Variants in PRKCB observed in about 807,000 individuals in gnomAD.
PRKCB encodes protein kinase C beta.
In PRKCB, 13 loss-of-function variants were observed where a neutral mutation model predicts 81.5. That is an observed-to-expected ratio of 0.16 (90% CI 0.10 to 0.25). PRKCB has a LOEUF of 0.25. PRKCB is among the 10% of genes least tolerant of loss of function. PRKCB has a pLI of 1.00. For synonymous variants in PRKCB, 335 were observed against 321.4 expected, an observed-to-expected ratio of 1.04 and a Z score of -0.45; for missense variants, 509 against 875.7, an observed-to-expected ratio of 0.58 and a Z score of 5.29.
At chr16:24,069,355 G>C (rs925783157) in intron 5 of PRKCB, among the ~76,000 whole-genome samples, 1 of 152,198 alleles carries the variant, frequency 6.6e-6, no homozygotes, top group East Asian at 1.9e-4. Context: ...TCAGCTGCTG[G>C]ATTCCTGCCT....
At chr16:24,030,434 T>C (rs1447314987) in intron 3 of PRKCB, among the ~76,000 whole-genome samples, 1 of 152,094 alleles carries the variant, frequency 6.6e-6, no homozygotes, top group Non-Finnish European at 1.5e-5. Context: ...GGCCAAATAG[T>C]AATAGCAATC....
At chr16:24,079,282 A>G (rs914753383) in intron 5 of PRKCB, among the ~76,000 whole-genome samples, 5 of 152,088 alleles carry the variant, frequency 3.3e-5, no homozygotes, top group Non-Finnish European at 5.9e-5. Context: ...GCTCCCACAA[A>G]GCCTGTTTGG....
chr16:24,032,338 A>T, intron 4 of PRKCB, 91 bp downstream of exon 4: 1 of 846,926 alleles, frequency 1.2e-6, no homozygotes, highest in East Asian at 2.7e-5. Context: ...GGTCTGCCAT[A>T]CATTCCCCCC....
intron 2 of PRKCB, among the ~76,000 whole-genome samples, chr16:23,894,833 G>A (rs1480698210): frequency 1.3e-5 from 2 of 152,172 alleles, no homozygotes; most frequent in East Asian, 3.9e-4. Flanking sequence ...TAGGACCTTT[G>A]AGTCTATATT....
At chr16:23,957,418 C>G (rs1167541421) in intron 2 of PRKCB, among the ~76,000 whole-genome samples, 1 of 152,144 alleles carries the variant, frequency 6.6e-6, no homozygotes, top group Non-Finnish European at 1.5e-5. Flanking sequence ...TTTTCTGCCT[C>G]TTTATTTTTT....
intron 16 of PRKCB, among the ~76,000 whole-genome samples, chr16:24,196,773 G>T (rs1246357455): frequency 6.6e-6 from 1 of 152,200 alleles, no homozygotes; most frequent in Non-Finnish European, 1.5e-5. Context: ...GTGCTGCAGG[G>T]TGCAGCAGGC....
At chr16:24,125,553 C>T (rs1025558351) in intron 9 of PRKCB, among the ~76,000 whole-genome samples, 4 of 152,192 alleles carry the variant, frequency 2.6e-5, no homozygotes, top group African/African-American at 9.7e-5. Flanking sequence ...GAAAAGTTGC[C>T]GCTCATTCAC....
intron 2 of PRKCB, among the ~76,000 whole-genome samples, chr16:23,985,286 G>A (rs932819514): frequency 2.6e-5 from 4 of 152,054 alleles, no homozygotes; most frequent in Non-Finnish European, 4.4e-5. Context: ...TAATAGAGAC[G>A]GGGTTTCACC....
At chr16:24,032,074 A>G in intron 3 of PRKCB, 62 bp from the exon 4 acceptor site, 1 of 1,208,964 alleles carries the variant, frequency 8.3e-7, no homozygotes, top group Non-Finnish European at 1.2e-6. Context: ...CTCTCGATGT[A>G]GGATGAACCG....
chr16:23,894,845 A>G (rs1183630199), intron 2 of PRKCB, among the ~76,000 whole-genome samples: 1 of 152,108 alleles, frequency 6.6e-6, no homozygotes, highest in Non-Finnish European at 1.5e-5. Context: ...GTCTATATTC[A>G]TTAGTGAAAT....
intron 3 of PRKCB, among the ~76,000 whole-genome samples, chr16:24,001,272 A>G (rs1305795948): frequency 6.6e-6 from 1 of 152,230 alleles, no homozygotes; most frequent in Admixed American, 6.5e-5. Flanking sequence ...TTATGGCTTT[A>G]GAAATAATTT....
At chr16:24,131,648 T>A (rs1966853544) in intron 9 of PRKCB, among the ~76,000 whole-genome samples, 1 of 152,246 alleles carries the variant, frequency 6.6e-6, no homozygotes, top group Non-Finnish European at 1.5e-5. Context: ...TTCTTCTTCT[T>A]AACATTGCCC....
At chr16:24,161,793 A>T (rs1967260437) in intron 10 of PRKCB, among the ~76,000 whole-genome samples, 1 of 152,196 alleles carries the variant, frequency 6.6e-6, no homozygotes. Context: ...GGTGAATAAA[A>T]TATAATAAAC....
intron 16 of PRKCB, among the ~76,000 whole-genome samples, chr16:24,195,187 C>T (rs1294095239): frequency 7.1e-6 from 1 of 141,664 alleles, no homozygotes; most frequent in East Asian, 2.0e-4. Context: ...GGCAACAGAG[C>T]AAGACCCTGT....
At chr16:24,094,343 C>T (rs138174323) in intron 7 of PRKCB, 46 bp downstream of exon 7, 1 of 1,598,432 alleles carries the variant, frequency 6.3e-7, no homozygotes, top group Non-Finnish European at 8.5e-7. Context: ...CTTGCTCCAT[C>T]AAACGCGGGG....
intron 2 of PRKCB, among the ~76,000 whole-genome samples, chr16:23,925,522 C>T (rs946729792): frequency 1.3e-5 from 2 of 152,078 alleles, no homozygotes; most frequent in African/African-American, 4.8e-5. Flanking sequence ...TCCAAGGACT[C>T]CATTCTTGAC....
At chr16:23,897,453 T>A (rs2141121113) in intron 2 of PRKCB, among the ~76,000 whole-genome samples, 1 of 152,330 alleles carries the variant, frequency 6.6e-6, no homozygotes, top group African/African-American at 2.4e-5. Flanking sequence ...GATAATCAGA[T>A]CAATTTTATA....
chr16:23,897,835 A>G (rs1963403796), intron 2 of PRKCB, among the ~76,000 whole-genome samples: 2 of 152,098 alleles, frequency 1.3e-5, no homozygotes, highest in African/African-American at 4.8e-5. Context: ...CCATCCATCC[A>G]TCCATCCACC....
In PRKCB at chr16:24,181,208, G is replaced by A. The variant is rs189506390; in HGVS notation, c.1533+280G>A. On this transcript the variant is annotated intron_variant, in intron 13 of 16. Coordinates refer to ENST00000643927, the MANE Select transcript of PRKCB (RefSeq NM_002738.7). ...CATCAGTAAAATTCTTCGTCAAACT[G>A]TTGTGGCTCACGGCCATGTGATACC... 3.2e-3 allele frequency among the ~76,000 whole-genome samples: 481 copies of A among 152,300 alleles called. 6 individuals are homozygous for A. Among genetic ancestry groups the A allele is most frequent in the Non-Finnish European group, 3.0e-3 (205 of 68,036 alleles).
Sources: allele counts gnomAD v4.1 joint callset (sites outside exome capture counted in the v4.1 genomes callset), GRCh38; gene constraint gnomAD v4.1.1; transcripts MANE v1.5; gene names NCBI Gene and HGNC (gene_info 2026-07-23, HGNC 2026-07-21).